The following SVOP variants were observed in gnomAD, a reference collection of about 807,000 sequenced individuals.
SVOP encodes SV2 related protein.
A neutral mutation model predicts 69.1 loss-of-function variants in SVOP; 17 were observed. That is an observed-to-expected ratio of 0.25 (90% CI 0.17 to 0.37). SVOP has a LOEUF of 0.37. Ranked by LOEUF, SVOP falls within the 10% of genes least tolerant of loss-of-function variation. The pLI is 1.00. For missense variants in SVOP, 435 were observed against 597.5 expected (o/e 0.73, Z 2.84); for synonymous variants, 238 against 238.6 (o/e 1.00, Z 0.02).
At chr12:108,948,525 C>A (rs533869143) in intron 6 of SVOP, among the ~76,000 whole-genome samples, 1 of 152,308 alleles carries the variant, frequency 6.6e-6, no homozygotes, top group South Asian at 2.1e-4. Flanking sequence ...GAAGAGCCAA[C>A]ATTTTAAACT....
chr12:108,957,724 C>T (rs138274898), intron 6 of SVOP, among the ~76,000 whole-genome samples: 2 of 152,320 alleles, frequency 1.3e-5, no homozygotes, highest in East Asian at 3.9e-4. Context: ...AGAGGCATGG[C>T]GACCAGGGAC....
At chr12:108,958,663 G>A (rs1453107621) in intron 6 of SVOP, among the ~76,000 whole-genome samples, 1 of 152,146 alleles carries the variant, frequency 6.6e-6, no homozygotes, top group East Asian at 1.9e-4. Flanking sequence ...TGCCCTTCAG[G>A]ACTGAGGCTT....
chr12:108,947,673 A>G (rs1275294519), intron 6 of SVOP, among the ~76,000 whole-genome samples: 1 of 152,152 alleles, frequency 6.6e-6, no homozygotes, highest in Admixed American at 6.5e-5. Context: ...GACTTGGGGC[A>G]TGCTGGACAG....
In SVOP at chr12:108,909,281, C is replaced by T. The variant is rs1383607546; in HGVS notation, c.*3254G>A. 1.3e-5 allele frequency: 2 copies of T among 151,994 alleles called. No individual in the cohort carries two copies. Among genetic ancestry groups the T allele is most frequent in the African/African-American group, 2.4e-5 (1 of 41,350 alleles). The allele number at this position is 151,994 out of a possible 1,614,324, so 9.4% of individuals were successfully genotyped here. A position where few individuals can be genotyped will look rare whatever the true frequency, so the allele number is the denominator to read the frequency against. ...GCAAAAGTAATTGCATTTGGGAGGC[C>T]AAGGTGGGCGGATCACTTGAGGTCA... On this transcript the variant is annotated 3_prime_UTR_variant, in exon 16 of 16. Coordinates refer to ENST00000610966, the MANE Select transcript of SVOP (RefSeq NM_018711.5).
chr12:108,917,282 C>T (rs1281972415), intron 14 of SVOP, among the ~76,000 whole-genome samples: 1 of 152,168 alleles, frequency 6.6e-6, no homozygotes, highest in African/African-American at 2.4e-5. Context: ...GCACATATAT[C>T]TTCATTCACT....
chr12:108,934,375 T>C (rs555219979), intron 10 of SVOP, 104 bp from the exon 11 acceptor site: 376 of 905,860 alleles, frequency 4.2e-4, no homozygotes, highest in Non-Finnish European at 5.7e-4. Flanking sequence ...CAGGGACCAG[T>C]CTTTGGGCTT....
chr12:108,990,985 G>T (rs1003263265), intron 1 of SVOP, among the ~76,000 whole-genome samples: 1 of 152,192 alleles, frequency 6.6e-6, no homozygotes, highest in South Asian at 2.1e-4. Flanking sequence ...GCAGGCAAGC[G>T]ATTCTGCTGT....
At chr12:109,003,006 A>T (rs1309060034) in intron 1 of SVOP, among the ~76,000 whole-genome samples, 2 of 13,764 alleles carry the variant, frequency 1.5e-4, no homozygotes, top group South Asian at 5.7e-3. Flanking sequence ...AATAAATAAA[A>T]ATAAAAATAA....
intron 4 of SVOP, among the ~76,000 whole-genome samples, chr12:108,975,332 C>G (rs2040100599): frequency 6.6e-6 from 1 of 152,242 alleles, no homozygotes; most frequent in Admixed American, 6.5e-5. Flanking sequence ...AGGACTCTGA[C>G]TTTTCCTTAG....
intron 1 of SVOP, among the ~76,000 whole-genome samples, chr12:109,002,815 G>C (rs2040280586): frequency 9.1e-6 from 1 of 110,186 alleles, no homozygotes; most frequent in African/African-American, 3.4e-5. Context: ...TGGTGGGGTG[G>C]GGGGAGGGGG....
chr12:109,021,002 G>C lies in SVOP; in HGVS notation c.-134C>G, dbSNP rs1024659462. 5.1e-6 allele frequency: 3 copies of C among 588,808 alleles called. No individual in the cohort carries two copies. Among genetic ancestry groups the C allele is most frequent in the African/African-American group, 3.8e-5 (2 of 52,264 alleles). The allele number at this position is 588,808 out of a possible 1,614,324, so 36.5% of individuals were successfully genotyped here. A position where few individuals can be genotyped will look rare whatever the true frequency, so the allele number is the denominator to read the frequency against. On this transcript the variant is annotated 5_prime_UTR_variant, in exon 1 of 16. Transcript: ENST00000610966. Reference sequence around the variant, plus strand: ...TCCTCCCTGGAGCAGCAGCTGTTCGGGGAGGGAGCCGCTGGGGACCAGCCC... The same window carrying C: ...TCCTCCCTGGAGCAGCAGCTGTTCGCGGAGGGAGCCGCTGGGGACCAGCCC...
chr12:109,019,512 TG>T (rs904770140), intron 1 of SVOP, among the ~76,000 whole-genome samples: 1 of 152,146 alleles, frequency 6.6e-6, no homozygotes, highest in African/African-American at 2.4e-5. Context: ...TATTTTTTAT[TG>T]GGGGTAATCA....
chr12:108,913,694 G>A (rs2039698800), intron 15 of SVOP, among the ~76,000 whole-genome samples: 1 of 152,058 alleles, frequency 6.6e-6, no homozygotes, highest in African/African-American at 2.4e-5. Context: ...CTGTCTCCAG[G>A]CTGGAGTGCA....
chr12:108,931,659 C>T (rs1419840784), intron 11 of SVOP, among the ~76,000 whole-genome samples: 1 of 151,984 alleles, frequency 6.6e-6, no homozygotes, highest in African/African-American at 2.4e-5. Context: ...TGGTGAAACC[C>T]CGTCTCTACT....
Position 109,018,626 on chromosome 12 carries a change from C to T in SVOP, c.35+2208G>A, listed in dbSNP as rs376332958. On this transcript the variant is annotated intron_variant, in intron 1 of 15. Transcript: ENST00000610966. ...AAAACATCTAAATCGTGATTTGTAACCCACTCAGATTCATGTGGCCATTCC... is the reference window on the plus strand; with the variant it reads ...AAAACATCTAAATCGTGATTTGTAATCCACTCAGATTCATGTGGCCATTCC... Among the ~76,000 whole-genome samples, 24 of 152,086 alleles carry T rather than the reference C, an allele frequency of 1.6e-4. No individual in the cohort carries two copies. The East Asian group carries it at 1.7e-3, about 11-fold the overall frequency.
At chr12:108,980,142 C>T (rs2040127909) in intron 2 of SVOP, among the ~76,000 whole-genome samples, 1 of 152,122 alleles carries the variant, frequency 6.6e-6, no homozygotes, top group Admixed American at 6.5e-5. Context: ...CATGCCACTG[C>T]ACTCCAGCCT....
At chr12:108,951,080 T>C (rs2137414592) in intron 6 of SVOP, among the ~76,000 whole-genome samples, 1 of 152,346 alleles carries the variant, frequency 6.6e-6, no homozygotes, top group Admixed American at 6.5e-5. Flanking sequence ...GAACCTGTGA[T>C]CTCAGCCTGG....
chr12:108,928,935 A>C (rs544820747), intron 11 of SVOP, among the ~76,000 whole-genome samples: 1 of 152,328 alleles, frequency 6.6e-6, no homozygotes, highest in South Asian at 2.1e-4. Context: ...CTATACCCAG[A>C]GAAAAAGAAA....
At chr12:108,978,052 C>T (rs554533169) in intron 3 of SVOP, among the ~76,000 whole-genome samples, 6 of 151,962 alleles carry the variant, frequency 3.9e-5, no homozygotes, top group South Asian at 2.1e-4. Context: ...ATTTGGTATA[C>T]GATAAAGGCA....
Sources: allele counts gnomAD v4.1 joint callset (sites outside exome capture counted in the v4.1 genomes callset), GRCh38; gene constraint gnomAD v4.1.1; transcripts MANE v1.5; gene names NCBI Gene and HGNC (gene_info 2026-07-23, HGNC 2026-07-21).